The following MYOCD variants were observed in gnomAD, a reference collection of about 807,000 sequenced individuals.
MYOCD encodes the protein myocardin.
MYOCD carries 32 observed loss-of-function variants against 96.1 expected under a neutral mutation model. The observed-to-expected ratio is 0.33, with a 90% CI of 0.25 to 0.45. The LOEUF (loss-of-function observed/expected upper bound fraction) is 0.45. Among genes scored for constraint, MYOCD ranks in the 20% least tolerant of loss-of-function variants. MYOCD has a pLI of 1.00. For synonymous variants in MYOCD, 469 were observed against 469.0 expected (o/e 1.00, Z 0.00); for missense variants, 1,133 against 1,200.6 (o/e 0.94, Z 0.83).
chr17:12,753,867 A>G (rs1369690551), intron 10 of MYOCD, among the ~76,000 whole-genome samples: 1 of 152,188 alleles, frequency 6.6e-6, no homozygotes, highest in Non-Finnish European at 1.5e-5. Context: ...AATGGTCTGC[A>G]TAGTGCAAAC....
chr17:12,697,217 T>G (rs1399352625), intron 1 of MYOCD, among the ~76,000 whole-genome samples: 3 of 151,664 alleles, frequency 2.0e-5, no homozygotes, highest in Non-Finnish European at 4.4e-5. Flanking sequence ...TTTCAATTCC[T>G]CACTTGCAGA....
chr17:12,693,374 C>T (rs941493655), intron 1 of MYOCD, among the ~76,000 whole-genome samples: 1 of 151,868 alleles, frequency 6.6e-6, no homozygotes, highest in African/African-American at 2.4e-5. Context: ...CTTTGGGAGG[C>T]CGAGGTGGGC....
intron 2 of MYOCD, among the ~76,000 whole-genome samples, chr17:12,711,924 CTTTTTT>C (rs11388469): frequency 2.2e-5 from 3 of 134,834 alleles, no homozygotes; most frequent in Non-Finnish European, 3.2e-5. Context: ...TTTCTTTTTT[CTTTTTT>C]TTTTTTTTTT....
At chr17:12,750,465 G>A (rs1257423632) in intron 9 of MYOCD, among the ~76,000 whole-genome samples, 1 of 152,126 alleles carries the variant, frequency 6.6e-6, no homozygotes, top group Middle Eastern at 3.2e-3. Flanking sequence ...GAGGTGAGTG[G>A]ATCATCTAAG....
chr17:12,698,679 A>G lies in MYOCD; in HGVS notation c.56-6449A>G, dbSNP rs965360016. Among the ~76,000 whole-genome samples, 9 of 149,268 alleles carry G rather than the reference A, an allele frequency of 6.0e-5. No individual in the cohort carries two copies. The South Asian group carries it at 1.9e-3, about 32-fold the overall frequency. On this transcript the variant is annotated intron_variant, in intron 1 of 13. Transcript: ENST00000425538. ...GGAAATGAGTGATGTCAAGTAGGCC[A>G]GTGATTTCTCCATATAGAAGCAAAG...
intron 9 of MYOCD, among the ~76,000 whole-genome samples, chr17:12,749,249 C>A (rs867414786): frequency 8.5e-5 from 13 of 152,048 alleles, no homozygotes; most frequent in African/African-American, 3.1e-4. Context: ...TGATTTCAGG[C>A]GGGGCGCAGT....
chr17:12,739,401 G>T, intron 7 of MYOCD, 73 bp downstream of exon 7: 1 of 1,464,324 alleles, frequency 6.8e-7, no homozygotes, highest in Non-Finnish European at 9.0e-7. Context: ...AGAACTTTCT[G>T]AGTTAGGTCT....
chr17:12,736,595 C>T (rs1405864386), intron 6 of MYOCD, among the ~76,000 whole-genome samples: 1 of 152,190 alleles, frequency 6.6e-6, no homozygotes, highest in African/African-American at 2.4e-5. Context: ...TCTGCTCTGC[C>T]AAGCAGATAC....
chr17:12,724,906 C>T (rs1441386658), intron 5 of MYOCD, among the ~76,000 whole-genome samples: 1 of 152,076 alleles, frequency 6.6e-6, no homozygotes, highest in African/African-American at 2.4e-5. Flanking sequence ...TTTGTGTCAA[C>T]TTCAATTCTA....
intron 12 of MYOCD, among the ~76,000 whole-genome samples, chr17:12,759,761 T>C (rs1274314161): frequency 6.6e-6 from 1 of 152,198 alleles, no homozygotes; most frequent in African/African-American, 2.4e-5. Context: ...CATCAAAATA[T>C]GAGCCAAGTT....
chr17:12,722,440 AC>A (rs2031866628), intron 4 of MYOCD, among the ~76,000 whole-genome samples: 1 of 152,214 alleles, frequency 6.6e-6, no homozygotes, highest in Non-Finnish European at 1.5e-5. Context: ...TAAAAGTCAT[AC>A]TAGTACTACT....
chr17:12,762,993 A>G (rs1331538664), intron 13 of MYOCD, 80 bp from the exon 14 acceptor site: 1 of 1,234,598 alleles, frequency 8.1e-7, no homozygotes, highest in Non-Finnish European at 1.1e-6. Context: ...CATCTTCTGT[A>G]TCTAAGTGTA....
At chr17:12,673,542 C>T (rs1226973032) in intron 1 of MYOCD, among the ~76,000 whole-genome samples, 1 of 152,068 alleles carries the variant, frequency 6.6e-6, no homozygotes, top group African/African-American at 2.4e-5. Context: ...TTTACTAAAC[C>T]TTTTCCACTT....
chr17:12,735,060 G>T (rs886349348), intron 5 of MYOCD, among the ~76,000 whole-genome samples: 1 of 152,166 alleles, frequency 6.6e-6, no homozygotes, highest in East Asian at 1.9e-4. Flanking sequence ...CAGCAGTGGT[G>T]GCGATGACAA....
At chr17:12,732,155 C>T (rs914107848) in intron 5 of MYOCD, among the ~76,000 whole-genome samples, 10 of 152,048 alleles carry the variant, frequency 6.6e-5, no homozygotes, top group South Asian at 2.1e-4. Context: ...AACCCGTACG[C>T]GGGATGTAGT....
Position 12,763,057 on chromosome 17 carries a change from C to T in MYOCD, c.2390-16C>T, listed in dbSNP as rs758521859. 3.2e-6 allele frequency: 5 copies of T among 1,584,808 alleles called. No homozygotes were observed. Among genetic ancestry groups the T allele is most frequent in the South Asian group, 2.3e-5 (2 of 86,144 alleles). ...TTTGAAGTGATTTAACAAGTCACAT[C>T]GTGTATTGCCCACAGAAATGCCAGC... On this transcript the variant is annotated splice_polypyrimidine_tract_variant and intron_variant, in intron 13 of 13. Coordinates refer to ENST00000425538, the MANE Select transcript of MYOCD (RefSeq NM_001146312.3).
In MYOCD at chr17:12,763,179, C is replaced by A; in HGVS notation, c.2496C>A (p.Ser832=). The change falls in exon 14 of 14, where the codon TCC becomes TCA. Residue 832 remains serine (S), a synonymous_variant. Coordinates refer to ENST00000425538, the MANE Select transcript of MYOCD (RefSeq NM_001146312.3). ...CTGTCCTCACCAAGCCCTCGGCTTC[C>A]TTTGAACAAGCCTCTTCAGGCAGCC... ...PTAVLTKPSA[S]FEQASSGSQI... 3 of 1,614,188 alleles carry A rather than the reference C, an allele frequency of 1.9e-6. No homozygotes were observed. Among genetic ancestry groups the A allele is most frequent in the Non-Finnish European group, 2.5e-6 (3 of 1,180,034 alleles).
intron 1 of MYOCD, among the ~76,000 whole-genome samples, chr17:12,692,475 G>A (rs2030502446): frequency 6.6e-6 from 1 of 152,308 alleles, no homozygotes; most frequent in South Asian, 2.1e-4. Context: ...GCTATATACA[G>A]ATGCTATCTA....
chr17:12,681,625 T>A (rs753086837), intron 1 of MYOCD, among the ~76,000 whole-genome samples: 1 of 152,106 alleles, frequency 6.6e-6, no homozygotes, highest in African/African-American at 2.4e-5. Flanking sequence ...TGGCCTGAAT[T>A]CATATCTCTT....
Sources: gnomAD v4.1 joint callset for allele counts (sites outside exome capture counted in the v4.1 genomes callset) on GRCh38, gnomAD v4.1.1 for gene constraint, MANE v1.5 for transcripts, NCBI Gene and HGNC (gene_info 2026-07-23, HGNC 2026-07-21) for gene names.